The following CPED1 variants were observed in gnomAD, a reference collection of about 807,000 sequenced individuals.
CPED1 encodes the protein cadherin-like and PC-esterase domain-containing protein 1.
In CPED1, 114 loss-of-function variants were observed where a neutral mutation model predicts 128.2. The ratio of observed to expected loss-of-function variants is 0.89; its 90% CI spans 0.76 to 1.04. The LOEUF is 1.04. Ranked by LOEUF, CPED1 falls within the 50% of genes least tolerant of loss-of-function variation. The pLI is 0.00. For missense variants in CPED1, 1,211 were observed against 1,207.1 expected (o/e 1.00, Z -0.05); for synonymous variants, 462 against 426.7 (o/e 1.08, Z -1.02).
chr7:121,108,263 T>C (rs113889977), intron 7 of CPED1, among the ~76,000 whole-genome samples: 1,628 of 152,214 alleles, frequency 0.011, 34 homozygotes, highest in African/African-American at 0.037. Context: ...ATACTTACAG[T>C]AAGAAAGCTG....
At chr7:121,163,990 A>G (rs138010641) in intron 16 of CPED1, among the ~76,000 whole-genome samples, 1 of 152,352 alleles carries the variant, frequency 6.6e-6, no homozygotes, top group East Asian at 1.9e-4. Flanking sequence ...TCAATAATCT[A>G]AACATTTTAG....
chr7:121,177,443 T>A (rs1796807928), intron 16 of CPED1, among the ~76,000 whole-genome samples: 1 of 152,058 alleles, frequency 6.6e-6, no homozygotes, highest in African/African-American at 2.4e-5. Context: ...ATGTTGCCAA[T>A]TTTTTATATT....
intron 15 of CPED1, among the ~76,000 whole-genome samples, chr7:121,141,259 A>AT (rs1337330530): frequency 1.3e-5 from 2 of 151,960 alleles, no homozygotes; most frequent in Admixed American, 6.6e-5. Flanking sequence ...TTAAGGAAAA[A>AT]TTTTACTTAT....
intron 16 of CPED1, among the ~76,000 whole-genome samples, chr7:121,159,252 C>T (rs146572821): frequency 1.5e-3 from 230 of 152,110 alleles, no homozygotes; most frequent in African/African-American, 5.0e-3. Context: ...TTAGATTTTA[C>T]GTTTCAGAAA....
At chr7:121,180,045 C>T (rs1296924375) in intron 16 of CPED1, among the ~76,000 whole-genome samples, 1 of 151,982 alleles carries the variant, frequency 6.6e-6, no homozygotes. Flanking sequence ...TCACAAAGTA[C>T]ACATCATTTG....
chr7:121,206,596 T>C (rs972256810), intron 16 of CPED1, among the ~76,000 whole-genome samples: 1 of 151,988 alleles, frequency 6.6e-6, no homozygotes, highest in African/African-American at 2.4e-5. Flanking sequence ...TATATCTATC[T>C]AGCCTTTTTA....
Position 121,227,300 on chromosome 7 carries a change from T to C in CPED1, c.2056-9414T>C, listed in dbSNP as rs192701482. On this transcript the variant is annotated intron_variant, in intron 16 of 22. Coordinates refer to ENST00000310396, the MANE Select transcript of CPED1 (RefSeq NM_024913.5). ...ATTGATCCTATATACTGACAATAGC[T>C]TCAATCAGAAGCCGTGTTTTGAATG... Among the ~76,000 whole-genome samples the C allele has an allele frequency of 3.8e-3, 573 of 152,146 alleles. 2 individuals are homozygous for C. Among genetic ancestry groups the C allele is most frequent in the Middle Eastern group, 0.024 (7 of 294 alleles).
chr7:121,192,265 A>T (rs1797156828), intron 16 of CPED1, among the ~76,000 whole-genome samples: 1 of 152,116 alleles, frequency 6.6e-6, no homozygotes, highest in Non-Finnish European at 1.5e-5. Context: ...CAAGATCTGA[A>T]CTGCTACAAA....
intron 3 of CPED1, among the ~76,000 whole-genome samples, chr7:121,034,729 C>T (rs1362195526): frequency 6.6e-6 from 1 of 152,072 alleles, no homozygotes; most frequent in African/African-American, 2.4e-5. Context: ...ATATACCAAT[C>T]ATCTAGGGAG....
At chr7:121,261,750 C>G in intron 18 of CPED1, 1 of 1,569,652 alleles carries the variant, frequency 6.4e-7, no homozygotes, top group Non-Finnish European at 8.6e-7. Context: ...CTTGAATCAC[C>G]TGGACTATTT....
At chr7:121,200,477 A>G (rs1797371126) in intron 16 of CPED1, among the ~76,000 whole-genome samples, 2 of 152,066 alleles carry the variant, frequency 1.3e-5, no homozygotes. Context: ...TTAAGCCTCA[A>G]ATAAGTGATG....
chr7:121,273,033 G>C (rs756209438), intron 22 of CPED1, among the ~76,000 whole-genome samples: 1 of 151,776 alleles, frequency 6.6e-6, no homozygotes, highest in African/African-American at 2.4e-5. Flanking sequence ...TTTGGCTTCT[G>C]TTATTTGCTC....
At chr7:121,113,216 G>A (rs1795154091) in intron 7 of CPED1, among the ~76,000 whole-genome samples, 2 of 152,162 alleles carry the variant, frequency 1.3e-5, no homozygotes, top group African/African-American at 4.8e-5. Context: ...CAACTCAGTT[G>A]TACTCCAGAA....
At chr7:121,067,967 T>C (rs1432780274) in intron 5 of CPED1, among the ~76,000 whole-genome samples, 2 of 152,208 alleles carry the variant, frequency 1.3e-5, no homozygotes, top group Admixed American at 6.5e-5. Flanking sequence ...GGTTGTTTGT[T>C]TTTTTCTTGT....
chr7:121,106,235 T>C (rs1794973058), intron 7 of CPED1, among the ~76,000 whole-genome samples: 1 of 152,108 alleles, frequency 6.6e-6, no homozygotes, highest in African/African-American at 2.4e-5. Context: ...TCAGGCATAT[T>C]TTCCCTTCTG....
chr7:121,069,289 T>G (rs925456640), intron 5 of CPED1, among the ~76,000 whole-genome samples: 2 of 152,178 alleles, frequency 1.3e-5, no homozygotes, highest in Non-Finnish European at 2.9e-5. Flanking sequence ...TAAAACTTAC[T>G]TGTACTTCAG....
chr7:121,208,987 C>T lies in CPED1; in HGVS notation c.2056-27727C>T, dbSNP rs577894362. Among the ~76,000 whole-genome samples the T allele has an allele frequency of 5.9e-5, 9 of 151,966 alleles. No individual in the cohort carries two copies. In the South Asian group the frequency reaches 1.0e-3, roughly 18 times the overall value. ...TAGCATATGCATAATGTGTGACCTA[C>T]GGAAAAAGGAAAGCTTGCAGCTAAT... On this transcript the variant is annotated intron_variant, in intron 16 of 22. Transcript: ENST00000310396.
intron 5 of CPED1, among the ~76,000 whole-genome samples, chr7:121,076,997 A>T (rs1794142602): frequency 6.6e-6 from 1 of 152,004 alleles, no homozygotes; most frequent in African/African-American, 2.4e-5. Context: ...AAAGGGTAGG[A>T]TCCTCTGCCC....
In CPED1 at chr7:121,015,668, A is replaced by G. The variant is rs774286634; in HGVS notation, c.253A>G (p.Lys85Glu). The G allele has an allele frequency of 4.4e-6, 7 of 1,594,272 alleles. No individual in the cohort carries two copies. Among genetic ancestry groups the G allele is most frequent in the East Asian group, 2.3e-5 (1 of 43,680 alleles). Residue 85 changes from lysine (K) to glutamate (E), a missense_variant, in exon 3 of 23, where the codon AAA becomes GAA. Lys to Glu is a moderately conservative substitution (Grantham distance 56). Coordinates refer to ENST00000310396, the MANE Select transcript of CPED1 (RefSeq NM_024913.5). ...TTTTTATGCCTTCTTTTCTTAGGTCAAAGAATCAATGGAGACACACTTTGG... is the reference window on the plus strand; with the variant it reads ...TTTTTATGCCTTCTTTTCTTAGGTCGAAGAATCAATGGAGACACACTTTGG... ...SGNAQETRKVKESMETHFGSH... is the reference protein window; with the variant it reads ...SGNAQETRKVEESMETHFGSH...
Sources: gnomAD v4.1 joint callset for allele counts (sites outside exome capture counted in the v4.1 genomes callset) on GRCh38, gnomAD v4.1.1 for gene constraint, MANE v1.5 for transcripts, NCBI Gene and HGNC (gene_info 2026-07-23, HGNC 2026-07-21) for gene names.